Variants in EPHA6 observed in about 807,000 individuals in gnomAD.
EPHA6 encodes the protein ephrin type-A receptor 6.
Under a neutral mutation model 112.0 loss-of-function variants are expected in EPHA6, and 50 were observed. The observed-to-expected ratio is 0.45, with a 90% CI of 0.36 to 0.56. The LOEUF (loss-of-function observed/expected upper bound fraction) is 0.56. Ranked by LOEUF, EPHA6 falls within the 20% of genes least tolerant of loss-of-function variation. The probability of loss-of-function intolerance (pLI) is 0.00; values close to 1 mark genes in which losing one functional copy is unlikely to be tolerated. For synonymous variants in EPHA6, 529 were observed against 490.7 expected (o/e 1.08, Z -1.03); for missense variants, 1,280 against 1,417.4 (o/e 0.90, Z 1.56).
At chr3:97,328,805 A>G (rs1466064592) in intron 5 of EPHA6, among the ~76,000 whole-genome samples, 10 of 151,616 alleles carry the variant, frequency 6.6e-5, no homozygotes, top group African/African-American at 2.4e-4. Context: ...CTACTGTGCT[A>G]TTTTTCTTTT....
chr3:97,249,622 C>T (rs1024047004), intron 5 of EPHA6, among the ~76,000 whole-genome samples: 4 of 152,146 alleles, frequency 2.6e-5, no homozygotes, highest in Admixed American at 6.5e-5. Flanking sequence ...TAAAACACTA[C>T]GGTGTCACTG....
intron 3 of EPHA6, among the ~76,000 whole-genome samples, chr3:97,030,698 CA>C (rs2044798033): frequency 1.3e-5 from 2 of 151,684 alleles, no homozygotes; most frequent in African/African-American, 4.8e-5. Context: ...TTTGTAAATG[CA>C]AGGAATTAAT....
intron 5 of EPHA6, among the ~76,000 whole-genome samples, chr3:97,335,609 C>T (rs150616078): frequency 6.6e-6 from 1 of 152,210 alleles, no homozygotes; most frequent in African/African-American, 2.4e-5. Context: ...AGCCTCCATC[C>T]CTTACCCAGA....
At chr3:96,891,196 TCAG>T (rs1163689871) in intron 2 of EPHA6, among the ~76,000 whole-genome samples, 1 of 152,098 alleles carries the variant, frequency 6.6e-6, no homozygotes, top group African/African-American at 2.4e-5. Context: ...TAACTGCCAA[TCAG>T]CAGTAAAATA....
At chr3:97,086,095 C>T (rs1475871529) in intron 3 of EPHA6, among the ~76,000 whole-genome samples, 1 of 151,640 alleles carries the variant, frequency 6.6e-6, no homozygotes, top group Non-Finnish European at 1.5e-5. Context: ...CCACTGTACC[C>T]ATCTAATTTT....
intron 11 of EPHA6, among the ~76,000 whole-genome samples, chr3:97,547,228 TAC>T (rs1015389759): frequency 6.6e-6 from 1 of 152,214 alleles, no homozygotes; most frequent in African/African-American, 2.4e-5. Flanking sequence ...GATGGTGATG[TAC>T]AGATGGGTTT....
intron 2 of EPHA6, among the ~76,000 whole-genome samples, chr3:96,883,973 G>T (rs570464793): frequency 6.6e-6 from 1 of 152,136 alleles, no homozygotes; most frequent in South Asian, 2.1e-4. Context: ...TTGTGAAAAT[G>T]GTGTCCTTTC....
At chr3:97,601,786 A>G (rs1040860138) in intron 12 of EPHA6, among the ~76,000 whole-genome samples, 1 of 152,112 alleles carries the variant, frequency 6.6e-6, no homozygotes, top group African/African-American at 2.4e-5. Context: ...TTGCCATTAT[A>G]ATTAAAATCA....
chr3:96,860,505 A>C (rs1312749818), intron 1 of EPHA6, among the ~76,000 whole-genome samples: 1 of 152,150 alleles, frequency 6.6e-6, no homozygotes, highest in Non-Finnish European at 1.5e-5. Context: ...CCATTAAACC[A>C]ATGATTTAAG....
chr3:97,006,867 AG>A (rs1305186928), intron 3 of EPHA6, among the ~76,000 whole-genome samples: 1 of 152,084 alleles, frequency 6.6e-6, no homozygotes, highest in Non-Finnish European at 1.5e-5. Flanking sequence ...TTTACCCAGG[AG>A]TCATTCAGGA....
chr3:97,399,853 T>C lies in EPHA6; in HGVS notation c.1607-5297T>C, dbSNP rs79480310. 8.5e-3 allele frequency among the ~76,000 whole-genome samples: 1,283 copies of C among 151,792 alleles called. 19 individuals carry two copies. The highest frequency in any genetic ancestry group is 0.029 in the African/African-American group (1,196 of 41,518). On this transcript the variant is annotated intron_variant, in intron 5 of 17. Coordinates refer to ENST00000389672, the MANE Select transcript of EPHA6 (RefSeq NM_001080448.3). Reference sequence around the variant, plus strand: ...TGATATTAATCCATTGTTGAATGAATAGTAGTTTGCAAATATCTTCTCTTG... The same window carrying C: ...TGATATTAATCCATTGTTGAATGAACAGTAGTTTGCAAATATCTTCTCTTG...
At chr3:96,893,086 G>C (rs1000227376) in intron 2 of EPHA6, among the ~76,000 whole-genome samples, 1 of 151,936 alleles carries the variant, frequency 6.6e-6, no homozygotes, top group South Asian at 2.1e-4. Flanking sequence ...CCTCTTGCCT[G>C]TGACGTTGTA....
intron 14 of EPHA6, among the ~76,000 whole-genome samples, chr3:97,655,150 GT>G (rs936070960): frequency 2.7e-5 from 4 of 148,682 alleles, no homozygotes; most frequent in Non-Finnish European, 4.5e-5. Context: ...ACATATATAT[GT>G]TTTTTGTGTA....
chr3:97,027,961 C>T (rs1322722067), intron 3 of EPHA6, among the ~76,000 whole-genome samples: 2 of 152,144 alleles, frequency 1.3e-5, no homozygotes, highest in African/African-American at 2.4e-5. Flanking sequence ...GGTGGAATTG[C>T]GTGTCTAGAA....
rs182430990 is a variant in EPHA6 at position 97,548,015 on chromosome 3, C to A, written c.2386+15472C>A. ...GAATTCCCTGACCCCTTGTGCTTCC[C>A]GGGTGAGGTGACGCCTCGCCCTGCT... On this transcript the variant is annotated intron_variant, in intron 11 of 17. Coordinates refer to ENST00000389672, the MANE Select transcript of EPHA6 (RefSeq NM_001080448.3). Among the ~76,000 whole-genome samples the A allele has an allele frequency of 6.2e-3, 948 of 152,282 alleles. 5 individuals are homozygous for A. Among genetic ancestry groups the A allele is most frequent in the Non-Finnish European group, 7.2e-3 (489 of 68,014 alleles).
intron 1 of EPHA6, among the ~76,000 whole-genome samples, chr3:96,853,122 C>T (rs1391472934): frequency 3.3e-5 from 5 of 152,096 alleles, no homozygotes; most frequent in Non-Finnish European, 5.9e-5. Context: ...TCACAGTTTG[C>T]TCCTCTAAGG....
At chr3:97,579,291 A>T (rs1218034212) in intron 11 of EPHA6, among the ~76,000 whole-genome samples, 1 of 151,488 alleles carries the variant, frequency 6.6e-6, no homozygotes, top group South Asian at 2.1e-4. Context: ...GGCTGCACTT[A>T]TTTTTATATT....
At chr3:97,405,007 A>C in intron 5 of EPHA6, 143 bp from the exon 6 acceptor site, 1 of 852,294 alleles carries the variant, frequency 1.2e-6, no homozygotes, top group Non-Finnish European at 1.8e-6. Context: ...AGCATATCGT[A>C]AGGCTATCTT....
At chr3:96,967,888 T>G (rs1365034929) in intron 2 of EPHA6, among the ~76,000 whole-genome samples, 1 of 151,832 alleles carries the variant, frequency 6.6e-6, no homozygotes, top group Non-Finnish European at 1.5e-5. Flanking sequence ...ATTTTGTTTA[T>G]TATAAGATCT....
Sources: gnomAD v4.1 joint callset for allele counts (sites outside exome capture counted in the v4.1 genomes callset) on GRCh38, gnomAD v4.1.1 for gene constraint, MANE v1.5 for transcripts, NCBI Gene and HGNC (gene_info 2026-07-23, HGNC 2026-07-21) for gene names.